The following C10orf67 variants were observed in gnomAD, a reference collection of about 807,000 sequenced individuals.
C10orf67 encodes uncharacterized protein C10orf67, mitochondrial.
In C10orf67, 60 loss-of-function variants were observed where a neutral mutation model predicts 35.6. The ratio of observed to expected loss-of-function variants is 1.68; its 90% CI spans 1.37 to 2.09. The LOEUF (loss-of-function observed/expected upper bound fraction) is 2.09. Among genes scored for constraint, C10orf67 ranks in the 30% most tolerant of loss-of-function variants. C10orf67 has a pLI of 0.00. For synonymous variants in C10orf67, 167 were observed against 115.8 expected, an observed-to-expected ratio of 1.44 and a Z score of -2.84; for missense variants, 474 against 330.2, an observed-to-expected ratio of 1.44 and a Z score of -3.38.
intron 1 of C10orf67, among the ~76,000 whole-genome samples, chr10:23,334,764 G>C (rs1169598960): frequency 2.6e-5 from 4 of 152,238 alleles, no homozygotes; most frequent in African/African-American, 9.6e-5. Context: ...TCCTACAAAG[G>C]GGGCACCAGA....
chr10:23,327,107 G>T, intron 2 of C10orf67, among the ~76,000 whole-genome samples: 1 of 151,576 alleles, frequency 6.6e-6, no homozygotes, highest in Non-Finnish European at 1.5e-5. Context: ...ATCATTAAAA[G>T]AATAAAGATA....
chr10:23,284,270 C>A (rs1212180541), intron 7 of C10orf67, among the ~76,000 whole-genome samples: 1 of 151,288 alleles, frequency 6.6e-6, no homozygotes, highest in Non-Finnish European at 1.5e-5. Context: ...TATATAGTTT[C>A]ATCAGATTCC....
chr10:23,249,870 A>G (rs1842404680), intron 12 of C10orf67, among the ~76,000 whole-genome samples: 1 of 152,216 alleles, frequency 6.6e-6, no homozygotes, highest in African/African-American at 2.4e-5. Context: ...TAAACAGAAG[A>G]CAGATTTTTA....
chr10:23,216,048 G>T (rs1564456589), intron 15 of C10orf67, among the ~76,000 whole-genome samples: 2 of 152,116 alleles, frequency 1.3e-5, no homozygotes, highest in African/African-American at 4.8e-5. Context: ...AACCAAAAAA[G>T]GGTGCCACTG....
chr10:23,309,206 G>A (rs919597292), intron 4 of C10orf67, among the ~76,000 whole-genome samples: 1 of 152,098 alleles, frequency 6.6e-6, no homozygotes, highest in Admixed American at 6.6e-5. Flanking sequence ...ATACTATGCA[G>A]CCATTAAAAA....
At chr10:23,269,034 T>C (rs1842953337) in intron 8 of C10orf67, among the ~76,000 whole-genome samples, 1 of 152,230 alleles carries the variant, frequency 6.6e-6, no homozygotes, top group African/African-American at 2.4e-5. Context: ...TTTGTTGTAA[T>C]GGTTTAAAAA....
In C10orf67 at chr10:23,284,659, G is replaced by A. The variant is rs1437267008; in HGVS notation, c.910-2581C>T. Among the ~76,000 whole-genome samples the A allele has an allele frequency of 2.0e-5, 3 of 152,024 alleles. No individual in the cohort carries two copies. The East Asian group carries it at 5.8e-4, about 29-fold the overall frequency. On this transcript the variant is annotated intron_variant, in intron 7 of 15. Transcript: ENST00000636213. Reference sequence around the variant, plus strand: ...CATGATCATGCCACTGCACTCCATCGCAGGCAACAAAGCAAGACCTTATCT... The same window carrying A: ...CATGATCATGCCACTGCACTCCATCACAGGCAACAAAGCAAGACCTTATCT...
At position 23,299,777 on chromosome 10, in the gene C10orf67, A is replaced by G. The variant is rs563433308; in HGVS notation, c.702+3527T>C. Among the ~76,000 whole-genome samples the G allele has an allele frequency of 1.8e-4, 27 of 152,214 alleles. 1 individual carries two copies. In the East Asian group the frequency reaches 5.2e-3, roughly 30 times the overall value. On this transcript the variant is annotated intron_variant, in intron 5 of 15. Coordinates refer to ENST00000636213, the MANE Select transcript of C10orf67 (RefSeq NM_001371909.1). ...CGAATCATGAGGTCAAGAGATCAAG[A>G]CCATCCTGGCTAACACGGTGAAACC...
At position 23,339,405 on chromosome 10, in the gene C10orf67, A is replaced by AG. The variant is rs201247113; in HGVS notation, c.206+5163_206+5164insC. On this transcript the variant is annotated intron_variant, in intron 1 of 15. Coordinates refer to ENST00000636213, the MANE Select transcript of C10orf67 (RefSeq NM_001371909.1). ...AAGATTAATGGAAAAAAGGCAGCAA[A>AG]AAAAAAAAAAAAAAAAAAAGGCAGA... Among the ~76,000 whole-genome samples the AG allele has an allele frequency of 8.0e-3, 1,177 of 147,006 alleles. 16 individuals are homozygous for AG. Among genetic ancestry groups the AG allele is most frequent in the African/African-American group, 0.028 (1,107 of 39,908 alleles).
intron 2 of C10orf67, among the ~76,000 whole-genome samples, chr10:23,326,803 T>C (rs956167652): frequency 6.6e-6 from 1 of 151,990 alleles, no homozygotes; most frequent in Admixed American, 6.6e-5. Context: ...GAACAAAGGG[T>C]CAAAAGATCT....
chr10:23,207,736 C>T (rs1841195309), intron 15 of C10orf67, among the ~76,000 whole-genome samples: 1 of 152,202 alleles, frequency 6.6e-6, no homozygotes, highest in East Asian at 1.9e-4. Context: ...GTAAAATTCC[C>T]TCCTGCATTT....
At chr10:23,328,292 A>G (rs1178341469) in intron 2 of C10orf67, among the ~76,000 whole-genome samples, 5 of 152,160 alleles carry the variant, frequency 3.3e-5, no homozygotes, top group African/African-American at 1.2e-4. Context: ...TAGCTAAAAT[A>G]CTTCTCTATA....
At chr10:23,325,634 C>T (rs781469371) in intron 2 of C10orf67, among the ~76,000 whole-genome samples, 4 of 146,856 alleles carry the variant, frequency 2.7e-5, no homozygotes, top group Non-Finnish European at 4.5e-5. Flanking sequence ...CAGAAGATAA[C>T]ATCCACACTG....
At chr10:23,214,295 T>G (rs1194697060) in intron 15 of C10orf67, among the ~76,000 whole-genome samples, 2 of 152,116 alleles carry the variant, frequency 1.3e-5, no homozygotes, top group Non-Finnish European at 2.9e-5. Flanking sequence ...AAAGAATGTC[T>G]GAACTACCAA....
At chr10:23,293,984 TA>T (rs1843801732) in intron 5 of C10orf67, among the ~76,000 whole-genome samples, 2 of 152,184 alleles carry the variant, frequency 1.3e-5, no homozygotes, top group Admixed American at 1.3e-4. Context: ...ATGTGAGCAG[TA>T]AAGTCTGAGA....
intron 12 of C10orf67, among the ~76,000 whole-genome samples, chr10:23,249,147 A>G (rs1248195875): frequency 1.3e-5 from 2 of 149,710 alleles, no homozygotes; most frequent in Non-Finnish European, 3.0e-5. Context: ...AAAAAAAAAA[A>G]AAAAAAAAAA....
At chr10:23,331,197 AGGG>A (rs1845446364) in intron 2 of C10orf67, among the ~76,000 whole-genome samples, 3 of 26,486 alleles carry the variant, frequency 1.1e-4, no homozygotes, top group African/African-American at 2.3e-4. Context: ...AGGGAAGGGA[AGGG>A]AAGGGAAGAG....
intron 13 of C10orf67, among the ~76,000 whole-genome samples, chr10:23,224,310 T>G (rs1388862890): frequency 2.0e-5 from 3 of 152,184 alleles, no homozygotes; most frequent in Non-Finnish European, 4.4e-5. Flanking sequence ...GACCTGCAGC[T>G]GAGGGTCCTG....
In C10orf67 at chr10:23,204,212, G is replaced by A. The variant is rs756438113; in HGVS notation, c.1614C>T (p.Pro538=). ...ESPKEESLEE[P]SMRQSSPAET... ...CTGCGGGGCTGCTCTGGCGCATGGA[G>A]GGCTCCTCCAAGGACTCTTCTTTTG... Residue 538 remains proline, a synonymous_variant, in exon 16 of 16, where the codon CCC becomes CCT. Coordinates refer to ENST00000636213, the MANE Select transcript of C10orf67 (RefSeq NM_001371909.1). 25 of 652,486 alleles carry A rather than the reference G, an allele frequency of 3.8e-5. No individual in the cohort carries two copies. The East Asian group carries it at 5.5e-4, about 14-fold the overall frequency. 40.4% of individuals were successfully genotyped at this position (652,486 alleles called of 1,614,324 possible). A position where few individuals can be genotyped will look rare whatever the true frequency, so the allele number is the denominator to read the frequency against.
Sources: allele counts gnomAD v4.1 joint callset (sites outside exome capture counted in the v4.1 genomes callset), GRCh38; gene constraint gnomAD v4.1.1; transcripts MANE v1.5; gene names NCBI Gene and HGNC (gene_info 2026-07-23, HGNC 2026-07-21).